The following URB1 variants were observed in gnomAD, a reference collection of about 807,000 sequenced individuals.
URB1 encodes the protein nucleolar pre-ribosomal-associated protein 1.
URB1 carries 197 observed loss-of-function variants against 242.3 expected under a neutral mutation model. The observed-to-expected ratio is 0.81, with a 90% CI of 0.72 to 0.91. The LOEUF (loss-of-function observed/expected upper bound fraction) is 0.91, where lower values mean the gene tolerates loss of function less well. Among genes scored for constraint, URB1 ranks in the 40% least tolerant of loss-of-function variants. The probability of loss-of-function intolerance (pLI) is 0.00; values close to 1 mark genes in which losing one functional copy is unlikely to be tolerated. For missense variants in URB1, 2,721 were observed against 2,860.5 expected, an observed-to-expected ratio of 0.95 and a Z score of 1.11; for synonymous variants, 1,153 against 1,201.8, an observed-to-expected ratio of 0.96 and a Z score of 0.84.
chr21:32,363,458 T>G, intron 10 of URB1, 129 bp from the exon 11 acceptor site: 1 of 1,198,114 alleles, frequency 8.3e-7, no homozygotes, highest in Non-Finnish European at 1.1e-6. Context: ...TGCTGGTCTC[T>G]ACGCTCTGAG....
rs1156312402 is a variant in URB1, at chr21:32,311,888, G to T, written c.*3030C>A. On this transcript the variant is annotated 3_prime_UTR_variant, in exon 39 of 39. Coordinates refer to ENST00000382751, the MANE Select transcript of URB1 (RefSeq NM_014825.3). ...CCACCTTGCCCCTCGGGGGTTTCCAGACCCACCCCACTCTCCTCTGGGAAC... is the reference window on the plus strand; with the variant it reads ...CCACCTTGCCCCTCGGGGGTTTCCATACCCACCCCACTCTCCTCTGGGAAC... 6.2e-7 allele frequency: 1 copy of T among 1,614,010 alleles called. No homozygotes were observed. The highest frequency in any genetic ancestry group is 8.5e-7 in the Non-Finnish European group (1 of 1,180,032).
At position 32,358,601 on chromosome 21, in the gene URB1, G is replaced by A. The variant is rs115113793; in HGVS notation, c.1870-945C>T. On this transcript the variant is annotated intron_variant, in intron 14 of 38. Coordinates refer to ENST00000382751, the MANE Select transcript of URB1 (RefSeq NM_014825.3). ...AATGGTGAGGTGCTGGTTAGCTTAG[G>A]CAGAGCCAGCAGATATAAGCATAAG... Among the ~76,000 whole-genome samples the A allele has an allele frequency of 4.4e-3, 671 of 152,242 alleles. 4 individuals are homozygous for A. The highest frequency in any genetic ancestry group is 0.016 in the African/African-American group (651 of 41,534).
intron 3 of URB1, 34 bp from the exon 4 acceptor site, chr21:32,383,588 A>G: frequency 6.5e-7 from 1 of 1,540,550 alleles, no homozygotes; most frequent in Non-Finnish European, 8.8e-7. Flanking sequence ...CGGACACGTC[A>G]ACAACAGCAG....
At chr21:32,340,606 T>A (rs2123570489) in intron 25 of URB1, among the ~76,000 whole-genome samples, 1 of 152,218 alleles carries the variant, frequency 6.6e-6, no homozygotes, top group African/African-American at 2.4e-5. Context: ...TGAGCAAAAC[T>A]CTGTCTCAAA....
chr21:32,322,331 C>A, intron 33 of URB1, 147 bp downstream of exon 33: 1 of 720,524 alleles, frequency 1.4e-6, no homozygotes, highest in Non-Finnish European at 2.3e-6. Flanking sequence ...GGAGACATTC[C>A]GAAGTGCAGG....
At chr21:32,367,252 A>T (rs2033356416) in intron 9 of URB1, among the ~76,000 whole-genome samples, 1 of 152,192 alleles carries the variant, frequency 6.6e-6, no homozygotes, top group African/African-American at 2.4e-5. Flanking sequence ...CATAGCTAGT[A>T]AGCAGCCAAG....
Position 32,389,052 on chromosome 21 carries a change from G to A in URB1, c.143-3368C>T, listed in dbSNP as rs570821575. Among the ~76,000 whole-genome samples the A allele has an allele frequency of 7.2e-5, 11 of 152,192 alleles. 1 individual carries two copies. In the South Asian group the frequency reaches 2.1e-3, roughly 29 times the overall value. On this transcript the variant is annotated intron_variant, in intron 1 of 38. Transcript: ENST00000382751. ...TAGACACGTATAGCACCTGTAGTAAGTGCTATGAAGCAAACATCAAGAGTA... is the reference window on the plus strand; with the variant it reads ...TAGACACGTATAGCACCTGTAGTAAATGCTATGAAGCAAACATCAAGAGTA...
intron 14 of URB1, among the ~76,000 whole-genome samples, chr21:32,358,501 C>T (rs1412399218): frequency 6.6e-6 from 1 of 152,186 alleles, no homozygotes; most frequent in Non-Finnish European, 1.5e-5. Flanking sequence ...GTACATGGAG[C>T]TCCAGATCCC....
chr21:32,383,837 C>A (rs2033553019), intron 3 of URB1, among the ~76,000 whole-genome samples: 1 of 152,146 alleles, frequency 6.6e-6, no homozygotes, highest in African/African-American at 2.4e-5. Context: ...GATCAATAGA[C>A]CACACCTCAG....
At chr21:32,326,023 G>A (rs1312212139) in intron 30 of URB1, among the ~76,000 whole-genome samples, 3 of 151,986 alleles carry the variant, frequency 2.0e-5, no homozygotes, top group Non-Finnish European at 4.4e-5. Flanking sequence ...TTGTGAGGCC[G>A]AGAGAAGCTG....
rs770282430 is a variant in URB1, at chr21:32,347,401, C to T, written c.3423G>A (p.Thr1141=). Residue 1141 remains threonine, a synonymous_variant, in exon 22 of 39, where the codon ACG becomes ACA. Coordinates refer to ENST00000382751, the MANE Select transcript of URB1 (RefSeq NM_014825.3). ...PETHLVTQQP[T]KSPGKERHLN... The stretch of plus-strand genomic sequence containing the variant: ...GGTGTCTTTCCTTCCCGGGGGATTT[C>T]GTGGGTTGCTGGGTCACCAGGTGTG... The T allele has an allele frequency of 6.9e-5, 107 of 1,551,486 alleles. 1 individual carries two copies. In the South Asian group the frequency reaches 7.0e-4, roughly 10 times the overall value.
At chr21:32,373,549 G>A (rs992300584) in intron 7 of URB1, 98 bp downstream of exon 7, 14 of 1,299,154 alleles carry the variant, frequency 1.1e-5, no homozygotes, top group African/African-American at 1.6e-5. Flanking sequence ...CAAATGAGGG[G>A]ACTTCAAGTC....
chr21:32,330,833 C>T (rs1186863549), intron 30 of URB1, among the ~76,000 whole-genome samples: 1 of 152,150 alleles, frequency 6.6e-6, no homozygotes, highest in Non-Finnish European at 1.5e-5. Context: ...GTATGAAATG[C>T]CCCCTGCTCT....
intron 8 of URB1, among the ~76,000 whole-genome samples, chr21:32,368,910 G>A (rs9984884): frequency 0.15 from 22,399 of 151,926 alleles, 2,200 homozygotes; most frequent in African/African-American, 0.28. Flanking sequence ...ATTCTCTCTC[G>A]CTCTACCTCA....
intron 34 of URB1, 82 bp from the exon 35 acceptor site, chr21:32,320,722 G>GCACCATACCATTAATT: frequency 5.9e-6 from 6 of 1,013,004 alleles, no homozygotes; most frequent in Non-Finnish European, 8.9e-6. Context: ...AAAATTAATG[G>GCACCATACCATTAATT]TATGGTGCCA....
chr21:32,372,574 T>A lies in URB1; in HGVS notation c.934A>T (p.Met312Leu). ...TGCTTGAGTGAACAGCAAAGATCCA[T>A]CAGGAAGTTATGAACAAGCTCCCGC... ...MVRELVHNFL[M>L]DLCCSLKHGI... Residue 312 changes from methionine to leucine, a missense_variant, in exon 8 of 39, where the codon ATG becomes TTG. Transcript: ENST00000382751. 1.9e-6 allele frequency: 3 copies of A among 1,551,640 alleles called. No homozygotes were observed. Among genetic ancestry groups the A allele is most frequent in the Non-Finnish European group, 1.7e-6 (2 of 1,146,986 alleles).
chr21:32,366,529 T>C (rs943402024), intron 10 of URB1, 89 bp downstream of exon 10: 3 of 1,513,138 alleles, frequency 2.0e-6, no homozygotes, highest in African/African-American at 1.4e-5. Context: ...ATCAAACACA[T>C]CCAGGCCAGT....
At chr21:32,373,487 C>G (rs1771783197) in intron 7 of URB1, among the ~76,000 whole-genome samples, 160 bp downstream of exon 7, 1 of 148,366 alleles carries the variant, frequency 6.7e-6, no homozygotes, top group African/African-American at 2.6e-5. Flanking sequence ...AATCCTATTG[C>G]AGTTAGCAGA....
rs1429572901 is a variant in URB1, at chr21:32,314,981, G to A, written c.6753C>T (p.Ser2251=). Residue 2251 remains serine (S), a synonymous_variant, in exon 39 of 39, where the codon AGC becomes AGT. Coordinates refer to ENST00000382751, the MANE Select transcript of URB1 (RefSeq NM_014825.3). ...MVCEAADDAP[S]SEEEAIVVLC... ...GCACCACGATGGCCTCCTCTTCACT[G>A]CTCGGGGCATCATCTGCGGCCTCAC... The A allele has an allele frequency of 2.6e-6, 4 of 1,551,662 alleles. No homozygotes were observed. Among genetic ancestry groups the A allele is most frequent in the Non-Finnish European group, 3.5e-6 (4 of 1,146,992 alleles).
Sources: allele counts gnomAD v4.1 joint callset (sites outside exome capture counted in the v4.1 genomes callset), GRCh38; gene constraint gnomAD v4.1.1; transcripts MANE v1.5; gene names NCBI Gene and HGNC (gene_info 2026-07-23, HGNC 2026-07-21).